The following TMEM135 variants were observed in gnomAD, a reference collection of about 807,000 sequenced individuals.
TMEM135 encodes peroxisomal membrane protein 52.
Under a neutral mutation model 60.3 loss-of-function variants are expected in TMEM135, and 30 were observed. That is an observed-to-expected ratio of 0.50 (90% CI 0.37 to 0.68). TMEM135 has a LOEUF of 0.68. Ranked by LOEUF, TMEM135 falls within the 30% of genes least tolerant of loss-of-function variation. TMEM135 has a pLI of 0.00. For synonymous variants in TMEM135, 190 were observed against 186.7 expected (o/e 1.02, Z -0.14); for missense variants, 468 against 548.8 (o/e 0.85, Z 1.47).
At position 87,326,572 on chromosome 11, in the gene TMEM135, G is replaced by T. The variant is rs562549358; in HGVS notation, c.*5239G>T. 1 of 454,112 alleles carries T rather than the reference G, an allele frequency of 2.2e-6. No homozygotes were observed. Among genetic ancestry groups the T allele is most frequent in the African/African-American group, 2.0e-5 (1 of 50,130 alleles). The allele number at this position is 454,112 out of a possible 1,614,324, so 28.1% of individuals were successfully genotyped here. ...GGATGCCAAAAGGAATGGGAGAGAAGAGACTATAAACATATTTTAAGCCTT... is the reference window on the plus strand; with the variant it reads ...GGATGCCAAAAGGAATGGGAGAGAATAGACTATAAACATATTTTAAGCCTT... On this transcript the variant is annotated 3_prime_UTR_variant, in exon 15 of 15. Coordinates refer to ENST00000305494, the MANE Select transcript of TMEM135 (RefSeq NM_022918.4).
chr11:87,285,417 C>T (rs1010151881), intron 6 of TMEM135, among the ~76,000 whole-genome samples: 6 of 152,128 alleles, frequency 3.9e-5, no homozygotes, highest in Admixed American at 1.3e-4. Context: ...TTTATTCCTT[C>T]TGATGTTCGG....
chr11:87,253,597 CA>C (rs1333580230), intron 6 of TMEM135, among the ~76,000 whole-genome samples: 2 of 146,540 alleles, frequency 1.4e-5, no homozygotes, highest in African/African-American at 5.0e-5. Flanking sequence ...GCCTCTTTGT[CA>C]ATCAAGATTG....
chr11:87,070,429 G>T (rs772554130), intron 2 of TMEM135, among the ~76,000 whole-genome samples: 6 of 151,994 alleles, frequency 3.9e-5, no homozygotes, highest in Non-Finnish European at 8.8e-5. Flanking sequence ...TGGATCATGA[G>T]GTCAGGAGTT....
chr11:87,276,005 C>T (rs574685419), intron 6 of TMEM135, among the ~76,000 whole-genome samples: 1 of 152,252 alleles, frequency 6.6e-6, no homozygotes, highest in African/African-American at 2.4e-5. Context: ...TCCTCTACTG[C>T]CAAGCTCCAG....
intron 6 of TMEM135, among the ~76,000 whole-genome samples, chr11:87,244,829 GT>G (rs1224659630): frequency 6.7e-6 from 1 of 149,462 alleles, no homozygotes; most frequent in African/African-American, 2.5e-5. Flanking sequence ...TTTTTGAAGG[GT>G]TTTTTGTGTC....
intron 6 of TMEM135, among the ~76,000 whole-genome samples, chr11:87,245,968 A>G (rs544507690): frequency 8.0e-6 from 1 of 125,654 alleles, no homozygotes; most frequent in Non-Finnish European, 1.7e-5. Flanking sequence ...ACAATTTGGC[A>G]TGATTTTGCA....
At chr11:87,229,317 C>T (rs1436701467) in intron 5 of TMEM135, among the ~76,000 whole-genome samples, 5 of 151,848 alleles carry the variant, frequency 3.3e-5, no homozygotes, top group South Asian at 2.1e-4. Flanking sequence ...TTTAACCAAC[C>T]AACCAGCCAA....
intron 5 of TMEM135, among the ~76,000 whole-genome samples, chr11:87,169,292 C>T (rs368430254): frequency 2.0e-5 from 3 of 148,476 alleles, no homozygotes; most frequent in East Asian, 3.9e-4. Flanking sequence ...GGGCATTTAG[C>T]CCATTTACAT....
chr11:87,133,224 A>G (rs1937987446), intron 4 of TMEM135, among the ~76,000 whole-genome samples: 1 of 152,198 alleles, frequency 6.6e-6, no homozygotes, highest in African/African-American at 2.4e-5. Flanking sequence ...TTGATCATGG[A>G]TAACTGAAAC....
intron 8 of TMEM135, among the ~76,000 whole-genome samples, chr11:87,303,919 C>T (rs1322746663): frequency 6.6e-6 from 1 of 152,150 alleles, no homozygotes; most frequent in Non-Finnish European, 1.5e-5. Flanking sequence ...TCATAGTAGC[C>T]TCAGTGGATC....
chr11:87,038,609 C>CTTT (rs3045930), intron 1 of TMEM135, among the ~76,000 whole-genome samples: 9,338 of 113,454 alleles, frequency 0.082, 469 homozygotes, highest in Non-Finnish European at 0.096. Context: ...TTTTATTTTG[C>CTTT]TTTTTTTTTT....
intron 5 of TMEM135, among the ~76,000 whole-genome samples, chr11:87,193,345 A>G (rs1213678873): frequency 6.6e-6 from 1 of 152,180 alleles, no homozygotes; most frequent in African/African-American, 2.4e-5. Context: ...CACTTAATCT[A>G]GAGTTTTCAT....
At chr11:87,205,160 A>G (rs1036560318) in intron 5 of TMEM135, among the ~76,000 whole-genome samples, 1 of 152,196 alleles carries the variant, frequency 6.6e-6, no homozygotes, top group African/African-American at 2.4e-5. Flanking sequence ...GCTTCAGAAG[A>G]AGAAACGAGA....
chr11:87,095,003 C>G (rs1314789612), intron 4 of TMEM135: 1 of 173,624 alleles, frequency 5.8e-6, no homozygotes, highest in East Asian at 1.3e-4. Flanking sequence ...TTGGATACCA[C>G]TTAGCATGTT....
In TMEM135 at chr11:87,302,293, T is replaced by C. The variant is rs190673002; in HGVS notation, c.552-3T>C. ...ATGCCTCACATTGTGCTCTTTTCTT[T>C]AGGTTCATTGTAGGGAAGGAAGAAA... is the stretch of plus-strand genomic sequence containing the variant. On this transcript the variant is annotated splice_polypyrimidine_tract_variant and splice_region_variant and intron_variant, in intron 7 of 14. Transcript: ENST00000305494. 131 of 1,613,722 alleles carry C rather than the reference T, an allele frequency of 8.1e-5. 1 individual carries two copies. In the Admixed American group the frequency reaches 9.5e-4, roughly 12 times the overall value.
intron 5 of TMEM135, among the ~76,000 whole-genome samples, chr11:87,172,493 T>G (rs1280422972): frequency 6.7e-6 from 1 of 149,638 alleles, no homozygotes; most frequent in Non-Finnish European, 1.5e-5. Flanking sequence ...TTTATTAGAA[T>G]GGATTTTTTT....
At chr11:87,176,404 T>A (rs968193384) in intron 5 of TMEM135, among the ~76,000 whole-genome samples, 7 of 152,156 alleles carry the variant, frequency 4.6e-5, no homozygotes, top group Admixed American at 4.6e-4. Context: ...TGCAGAACCA[T>A]GAGCCAAATG....
chr11:87,244,993 T>C (rs1941231753), intron 6 of TMEM135, among the ~76,000 whole-genome samples: 2 of 151,762 alleles, frequency 1.3e-5, no homozygotes, highest in South Asian at 4.2e-4. Context: ...CATTTAGTGC[T>C]ATAAATTTCC....
intron 5 of TMEM135, among the ~76,000 whole-genome samples, chr11:87,205,631 C>T (rs1307816030): frequency 2.0e-5 from 3 of 152,182 alleles, no homozygotes; most frequent in African/African-American, 7.2e-5. Context: ...AGCTGTGTTA[C>T]AGCCAGCTTT....
Sources: allele counts gnomAD v4.1 joint callset (sites outside exome capture counted in the v4.1 genomes callset), GRCh38; gene constraint gnomAD v4.1.1; transcripts MANE v1.5; gene names NCBI Gene and HGNC (gene_info 2026-07-23, HGNC 2026-07-21).